The following SFMBT2 variants were observed in gnomAD, a reference collection of about 807,000 sequenced individuals.
SFMBT2 encodes the protein scm-like with four MBT domains protein 2.
Under a neutral mutation model 110.1 loss-of-function variants are expected in SFMBT2, and 38 were observed. The observed-to-expected ratio is 0.35, with a 90% CI of 0.27 to 0.45. SFMBT2 has a LOEUF of 0.45. Among genes scored for constraint, SFMBT2 ranks in the 20% least tolerant of loss-of-function variants. SFMBT2 has a pLI of 1.00. For synonymous variants in SFMBT2, 425 were observed against 425.4 expected (o/e 1.00, Z 0.01); for missense variants, 1,011 against 1,094.9 (o/e 0.92, Z 1.08).
In SFMBT2 at chr10:7,293,110, G is replaced by A. The variant is rs1357246317; in HGVS notation, c.437-7156C>T. Among the ~76,000 whole-genome samples, 3 of 152,040 alleles carry A rather than the reference G, an allele frequency of 2.0e-5. No individual in the cohort carries two copies. The highest frequency in any genetic ancestry group is 6.6e-5 in the Admixed American group (1 of 15,258). Reference sequence around the variant, plus strand: ...CTCACTCTGTCTGGAATGCAGTGGCGCGATCTCGACTCACTGCAACCTCCA... The same window carrying A: ...CTCACTCTGTCTGGAATGCAGTGGCACGATCTCGACTCACTGCAACCTCCA... On this transcript the variant is annotated intron_variant, in intron 4 of 20. Transcript: ENST00000397167. The surrounding 1 kb of genome is among the most constrained non-coding windows in gnomAD (Gnocchi z 4.6).
intron 4 of SFMBT2, among the ~76,000 whole-genome samples, chr10:7,319,615 C>T (rs1187967990): frequency 6.6e-6 from 1 of 151,870 alleles, no homozygotes; most frequent in African/African-American, 2.4e-5. Context: ...AGCATGTAAG[C>T]TACAGGAATT....
At chr10:7,315,598 C>G (rs1842988334) in intron 4 of SFMBT2, among the ~76,000 whole-genome samples, 1 of 152,204 alleles carries the variant, frequency 6.6e-6, no homozygotes, top group Admixed American at 6.5e-5. Context: ...GATCTAGGGA[C>G]TTGTCAGCCT....
At position 7,220,367 on chromosome 10, in the gene SFMBT2, C is replaced by T. The variant is rs1288757341; in HGVS notation, c.1330+44G>A. ...CTCCACACGTTGCCATTTCGACAAACTCTACATTCCCCCCAGCGACTGCTA... is the reference window on the plus strand; with the variant it reads ...CTCCACACGTTGCCATTTCGACAAATTCTACATTCCCCCCAGCGACTGCTA... On this transcript the variant is annotated intron_variant, in intron 11 of 20. Transcript: ENST00000397167. 2.5e-6 allele frequency: 4 copies of T among 1,589,500 alleles called. No individual in the cohort carries two copies. The African/African-American group carries it at 4.0e-5, about 16-fold the overall frequency.
At chr10:7,371,686 G>A (rs1034149295) in intron 2 of SFMBT2, among the ~76,000 whole-genome samples, 5 of 152,142 alleles carry the variant, frequency 3.3e-5, no homozygotes, top group Admixed American at 1.3e-4. Context: ...AAATGCACAC[G>A]AGAGTTCCAA....
chr10:7,216,712 G>A (rs1034882472), intron 11 of SFMBT2, among the ~76,000 whole-genome samples: 4 of 152,146 alleles, frequency 2.6e-5, no homozygotes, highest in Admixed American at 6.5e-5. Flanking sequence ...CCTCTGATGA[G>A]GGCCTCAGTG....
intron 12 of SFMBT2, 25 bp downstream of exon 12, chr10:7,205,790 C>T (rs754052148): frequency 3.7e-6 from 6 of 1,608,000 alleles, no homozygotes; most frequent in South Asian, 3.3e-5. Context: ...TGTCATCCAC[C>T]CCCCCTCAAC....
intron 7 of SFMBT2, among the ~76,000 whole-genome samples, chr10:7,275,083 C>G (rs1251712091): frequency 6.6e-6 from 1 of 152,182 alleles, no homozygotes; most frequent in African/African-American, 2.4e-5. Context: ...CAAAGAGAGG[C>G]ACAGGCAGGA....
intron 4 of SFMBT2, among the ~76,000 whole-genome samples, chr10:7,338,917 G>A (rs552598056): frequency 4.7e-4 from 71 of 152,220 alleles, no homozygotes; most frequent in Non-Finnish European, 8.2e-4. Flanking sequence ...GGTACAGGAC[G>A]CTTGCTTAAT....
chr10:7,197,137 C>T (rs933901446), intron 15 of SFMBT2, among the ~76,000 whole-genome samples: 4 of 152,110 alleles, frequency 2.6e-5, no homozygotes, highest in African/African-American at 4.8e-5. Context: ...GGCCAAGGAG[C>T]GCCATTCTCG....
chr10:7,188,173 C>T (rs368170204), intron 16 of SFMBT2, among the ~76,000 whole-genome samples: 4 of 152,222 alleles, frequency 2.6e-5, no homozygotes, highest in African/African-American at 9.6e-5. Context: ...CCAGACCAAA[C>T]ATGCACGGGT....
In SFMBT2 at chr10:7,162,857, C is replaced by T. The variant is rs944815697; in HGVS notation, c.*913G>A. ...GTGGCTCACACCTGTAATCCCAGCA[C>T]GTTGGGAGGCCGAGGCGGGCAGATC... On this transcript the variant is annotated 3_prime_UTR_variant, in exon 21 of 21. Transcript: ENST00000397167. 1.6e-4 allele frequency: 25 copies of T among 152,522 alleles called. No individual in the cohort carries two copies. In the East Asian group the frequency reaches 1.7e-3, roughly 11 times the overall value. 9.4% of individuals were successfully genotyped at this position (152,522 alleles called of 1,614,324 possible). A position where few individuals can be genotyped will look rare whatever the true frequency, so the allele number is the denominator to read the frequency against.
chr10:7,251,769 G>A (rs1234123745), intron 7 of SFMBT2, among the ~76,000 whole-genome samples: 1 of 152,074 alleles, frequency 6.6e-6, no homozygotes, highest in Non-Finnish European at 1.5e-5. Flanking sequence ...TGTTTCTCAG[G>A]AGCCTCCTTC....
intron 6 of SFMBT2, among the ~76,000 whole-genome samples, chr10:7,280,200 C>A (rs528216529): frequency 6.6e-6 from 1 of 152,210 alleles, no homozygotes. Flanking sequence ...ACACTTCCAG[C>A]CTCCAGATCT....
In SFMBT2 at chr10:7,362,412, G is replaced by A. The variant is rs1296018022; in HGVS notation, c.436+5237C>T. On this transcript the variant is annotated intron_variant, in intron 4 of 20. Transcript: ENST00000397167. ...TCACAGCTTACATTAATTTAAAAGA[G>A]CCATGCAAGAAAACATGGGACTGCA... is the stretch of plus-strand genomic sequence containing the variant. Among the ~76,000 whole-genome samples the A allele has an allele frequency of 4.6e-5, 7 of 152,294 alleles. No individual in the cohort carries two copies. The South Asian group carries it at 1.0e-3, about 23-fold the overall frequency.
At chr10:7,353,341 A>G (rs76036881) in intron 4 of SFMBT2, among the ~76,000 whole-genome samples, 242 of 152,330 alleles carry the variant, frequency 1.6e-3, no homozygotes, top group African/African-American at 5.5e-3. Flanking sequence ...TCTTCCTGTC[A>G]GCTCTTGTTT....
At chr10:7,358,823 G>A (rs1407954432) in intron 4 of SFMBT2, among the ~76,000 whole-genome samples, 2 of 151,934 alleles carry the variant, frequency 1.3e-5, no homozygotes, top group Non-Finnish European at 2.9e-5. Flanking sequence ...AGGCATGGTG[G>A]CCCTGCAATG....
At chr10:7,284,522 C>T (rs964516918) in intron 5 of SFMBT2, 22 of 600,538 alleles carry the variant, frequency 3.7e-5, no homozygotes, top group Middle Eastern at 1.6e-3. Flanking sequence ...TGGTAGCAAA[C>T]GGTCTACTTT....
chr10:7,206,135 A>G, intron 11 of SFMBT2: 1 of 985,446 alleles, frequency 1.0e-6, no homozygotes, highest in Non-Finnish European at 1.2e-6. Flanking sequence ...TTGAAATATA[A>G]AAAGGCAGGA....
At chr10:7,391,292 C>T (rs1845757039) in intron 1 of SFMBT2, among the ~76,000 whole-genome samples, 1 of 151,824 alleles carries the variant, frequency 6.6e-6, no homozygotes, top group African/African-American at 2.4e-5. Flanking sequence ...ATGGTGAAAC[C>T]CTGTCTCTAT....
Sources: gnomAD v4.1 joint callset for allele counts (sites outside exome capture counted in the v4.1 genomes callset) on GRCh38, gnomAD v4.1.1 for gene constraint, Gnocchi (gnomAD v3.1) non-coding constraint, MANE v1.5 for transcripts, NCBI Gene and HGNC (gene_info 2026-07-23, HGNC 2026-07-21) for gene names.